The following CCDC60 variants were observed in gnomAD, a reference collection of about 807,000 sequenced individuals.
CCDC60 encodes coiled-coil domain-containing protein 60.
A neutral mutation model predicts 63.5 loss-of-function variants in CCDC60; 54 were observed. The observed-to-expected ratio is 0.85, with a 90% confidence interval of 0.68 to 1.07. The LOEUF is 1.07. Among genes scored for constraint, CCDC60 ranks in the 50% least tolerant of loss-of-function variants. The pLI, the probability that CCDC60 is intolerant of heterozygous loss-of-function variation, is 0.00. For synonymous variants in CCDC60, 206 were observed against 238.8 expected (o/e 0.86, Z 1.27); for missense variants, 651 against 684.3 (o/e 0.95, Z 0.54).
At chr12:119,394,717 G>T (rs1368102416) in intron 1 of CCDC60, among the ~76,000 whole-genome samples, 1 of 152,174 alleles carries the variant, frequency 6.6e-6, no homozygotes, top group African/African-American at 2.4e-5. Context: ...TCCAGCTGTT[G>T]CATCTCCTGT....
At chr12:119,370,308 C>T (rs567947473) in intron 1 of CCDC60, among the ~76,000 whole-genome samples, 6 of 152,332 alleles carry the variant, frequency 3.9e-5, no homozygotes, top group East Asian at 1.9e-4. Context: ...GCAGACAGTG[C>T]GCCCCGTGGT....
chr12:119,465,177 G>T (rs950805399), intron 2 of CCDC60, among the ~76,000 whole-genome samples: 2 of 152,068 alleles, frequency 1.3e-5, no homozygotes, highest in Non-Finnish European at 2.9e-5. Context: ...GCCAGGCCTG[G>T]TGGCGGGCGC....
chr12:119,340,763 TA>T (rs1955524156), intron 1 of CCDC60, among the ~76,000 whole-genome samples: 1 of 152,146 alleles, frequency 6.6e-6, no homozygotes, highest in South Asian at 2.1e-4. Flanking sequence ...CCTGAAGAGA[TA>T]AATGGCGGGC....
At chr12:119,336,750 A>G (rs1955475728) in intron 1 of CCDC60, among the ~76,000 whole-genome samples, 1 of 152,258 alleles carries the variant, frequency 6.6e-6, no homozygotes, top group African/African-American at 2.4e-5. Context: ...AAAATTGTCC[A>G]CTGTGATGTT....
At chr12:119,434,029 A>T (rs1950282265) in intron 2 of CCDC60, among the ~76,000 whole-genome samples, 1 of 152,232 alleles carries the variant, frequency 6.6e-6, no homozygotes, top group South Asian at 2.1e-4. Flanking sequence ...TAAGGAAAAT[A>T]AACATCTCTG....
Position 119,397,084 on chromosome 12 carries a change from C to T in CCDC60, c.91-31599C>T, listed in dbSNP as rs545004600. On this transcript the variant is annotated intron_variant, in intron 1 of 13. Coordinates refer to ENST00000327554, the MANE Select transcript of CCDC60 (RefSeq NM_178499.5). The stretch of plus-strand genomic sequence containing the variant: ...GCAGGGCATCTGGAGTTGTTCGTTC[C>T]TCCCCTCCAGAGTTGTTCATTTCTC... Among the ~76,000 whole-genome samples, 93 of 151,836 alleles carry T rather than the reference C, an allele frequency of 6.1e-4. No homozygotes were observed. In the South Asian group the frequency reaches 0.018, roughly 30 times the overall value.
chr12:119,389,391 G>A (rs532912018), intron 1 of CCDC60, among the ~76,000 whole-genome samples: 16 of 152,264 alleles, frequency 1.1e-4, no homozygotes, highest in African/African-American at 3.8e-4. Flanking sequence ...AGTTGTACAA[G>A]AGACTGTATA....
chr12:119,350,221 A>G (rs889742071), intron 1 of CCDC60, among the ~76,000 whole-genome samples: 1 of 150,294 alleles, frequency 6.7e-6, no homozygotes, highest in Non-Finnish European at 1.5e-5. Flanking sequence ...TTTTTGAGAC[A>G]GAGTCTCGCT....
chr12:119,432,810 C>A (rs141257426), intron 2 of CCDC60, among the ~76,000 whole-genome samples: 3 of 152,110 alleles, frequency 2.0e-5, no homozygotes, highest in African/African-American at 7.2e-5. Flanking sequence ...GCAAACCGAT[C>A]GTTAAACACA....
intron 5 of CCDC60, among the ~76,000 whole-genome samples, chr12:119,498,834 G>C (rs774468671): frequency 1.3e-5 from 2 of 152,196 alleles, no homozygotes; most frequent in Non-Finnish European, 1.5e-5. Flanking sequence ...AGGTAGTTGA[G>C]AGATCACACG....
chr12:119,488,939 C>A, intron 5 of CCDC60, 73 bp downstream of exon 5: 1 of 1,207,352 alleles, frequency 8.3e-7, no homozygotes, highest in Non-Finnish European at 1.2e-6. Flanking sequence ...CCTGTATGTT[C>A]TTCCACTCCC....
chr12:119,350,390 C>T (rs1330146021), intron 1 of CCDC60, among the ~76,000 whole-genome samples: 1 of 151,854 alleles, frequency 6.6e-6, no homozygotes, highest in African/African-American at 2.4e-5. Flanking sequence ...AGTAGACACA[C>T]AGTTTCACCA....
intron 1 of CCDC60, among the ~76,000 whole-genome samples, chr12:119,398,279 C>A (rs1429334832): frequency 6.6e-6 from 1 of 151,988 alleles, no homozygotes; most frequent in Non-Finnish European, 1.5e-5. Flanking sequence ...CAGCTCCTGG[C>A]CCAGATGCTA....
At chr12:119,524,721 C>CTTTTT (rs55694840) in intron 11 of CCDC60, among the ~76,000 whole-genome samples, 83 of 98,964 alleles carry the variant, frequency 8.4e-4, no homozygotes, top group East Asian at 1.4e-3. Context: ...CTTTTCTTTT[C>CTTTTT]TTTTTTTTTT....
intron 2 of CCDC60, among the ~76,000 whole-genome samples, chr12:119,462,021 C>G (rs903507870): frequency 2.6e-5 from 4 of 152,194 alleles, no homozygotes; most frequent in Admixed American, 1.3e-4. Flanking sequence ...AGACCCTCCC[C>G]CTAACCACAT....
chr12:119,375,350 A>C (rs1338673859), intron 1 of CCDC60, among the ~76,000 whole-genome samples: 1 of 152,218 alleles, frequency 6.6e-6, no homozygotes, highest in Non-Finnish European at 1.5e-5. Context: ...CACTGTGGCC[A>C]ATTTCAAGCT....
At chr12:119,405,621 C>T (rs536174794) in intron 1 of CCDC60, among the ~76,000 whole-genome samples, 22 of 152,352 alleles carry the variant, frequency 1.4e-4, no homozygotes, top group African/African-American at 5.1e-4. Context: ...CTTCCCTGCC[C>T]TCTTCTCATC....
chr12:119,348,563 C>G (rs895591724), intron 1 of CCDC60, among the ~76,000 whole-genome samples: 1 of 152,154 alleles, frequency 6.6e-6, no homozygotes, highest in Non-Finnish European at 1.5e-5. Flanking sequence ...CTTACACTAC[C>G]CATTTCACTT....
chr12:119,527,631 C>CCGCCTCCTGGGT, intron 11 of CCDC60, among the ~76,000 whole-genome samples: 1 of 144,132 alleles, frequency 6.9e-6, no homozygotes, highest in Non-Finnish European at 1.5e-5. Flanking sequence ...TGAGCTTTAT[C>CCGCCTCCTGGGT]TCAGAGACTT....
Sources: allele counts gnomAD v4.1 joint callset (sites outside exome capture counted in the v4.1 genomes callset), GRCh38; gene constraint gnomAD v4.1.1; transcripts MANE v1.5; gene names NCBI Gene and HGNC (gene_info 2026-07-23, HGNC 2026-07-21).